The following CTNND2 variants were observed in gnomAD, a reference collection of about 807,000 sequenced individuals.
The protein encoded by CTNND2 is catenin delta 2.
Under a neutral mutation model 144.4 loss-of-function variants are expected in CTNND2, and 22 were observed. That is an observed-to-expected ratio of 0.15 (90% CI 0.11 to 0.22). CTNND2 has a LOEUF of 0.22. Among genes scored for constraint, CTNND2 ranks in the 10% least tolerant of loss-of-function variants. The probability of loss-of-function intolerance (pLI) is 1.00; values close to 1 mark genes in which losing one functional copy is unlikely to be tolerated. For synonymous variants in CTNND2, 751 were observed against 695.6 expected (o/e 1.08, Z -1.25); for missense variants, 1,353 against 1,618.8 (o/e 0.84, Z 2.82).
intron 16 of CTNND2, among the ~76,000 whole-genome samples, chr5:11,065,799 T>C (rs1292653819): frequency 2.6e-5 from 4 of 152,196 alleles, no homozygotes; most frequent in Non-Finnish European, 2.9e-5. Context: ...CCCCAAAACA[T>C]GTTTCTTTGC....
chr5:11,580,704 A>G (rs1778361185), intron 2 of CTNND2, among the ~76,000 whole-genome samples: 1 of 152,210 alleles, frequency 6.6e-6, no homozygotes. Flanking sequence ...AATGCATACC[A>G]TTCCATGGAA....
At chr5:11,404,599 A>ATTTTT (rs1405789135) in intron 5 of CTNND2, among the ~76,000 whole-genome samples, 9 of 32,826 alleles carry the variant, frequency 2.7e-4, no homozygotes, top group Non-Finnish European at 6.7e-4. Context: ...CAGTATCTGT[A>ATTTTT]TTCTTTTTTT....
intron 1 of CTNND2, among the ~76,000 whole-genome samples, chr5:11,762,449 C>G (rs1223913923): frequency 6.6e-6 from 1 of 152,046 alleles, no homozygotes; most frequent in Admixed American, 6.6e-5. Context: ...GTACCTGGCA[C>G]AAAATAGACC....
At chr5:11,259,401 C>G (rs1252490967) in intron 9 of CTNND2, among the ~76,000 whole-genome samples, 1 of 152,172 alleles carries the variant, frequency 6.6e-6, no homozygotes, top group Non-Finnish European at 1.5e-5. Flanking sequence ...CTGCTGAGCT[C>G]CCAGTTGACA....
At chr5:11,497,390 G>C (rs115146921) in intron 3 of CTNND2, among the ~76,000 whole-genome samples, 2,527 of 151,882 alleles carry the variant, frequency 0.017, 74 homozygotes, top group African/African-American at 0.058. Flanking sequence ...GGAAGGAGTA[G>C]GGAGCTGTGA....
chr5:11,192,806 A>G (rs1432590731), intron 11 of CTNND2, among the ~76,000 whole-genome samples: 7 of 152,134 alleles, frequency 4.6e-5, no homozygotes, highest in African/African-American at 1.7e-4. Context: ...AAGAAAATCA[A>G]TCTTCCTTGT....
At chr5:11,048,301 T>C (rs1346273413) in intron 16 of CTNND2, among the ~76,000 whole-genome samples, 1 of 152,196 alleles carries the variant, frequency 6.6e-6, no homozygotes, top group East Asian at 1.9e-4. Context: ...AGGTAGTTTC[T>C]AAGACTGAAG....
intron 9 of CTNND2, among the ~76,000 whole-genome samples, chr5:11,320,235 G>A (rs1041489476): frequency 6.6e-6 from 1 of 152,184 alleles, no homozygotes; most frequent in African/African-American, 2.4e-5. Flanking sequence ...TTCTGTAAAT[G>A]TGGTTGGCAG....
chr5:11,169,765 T>A (rs559115864), intron 11 of CTNND2, among the ~76,000 whole-genome samples: 47 of 152,328 alleles, frequency 3.1e-4, no homozygotes, highest in African/African-American at 1.0e-3. Flanking sequence ...CGCTTGCTTA[T>A]CCAAGAGTCC....
At chr5:11,545,263 A>C (rs536247150) in intron 3 of CTNND2, among the ~76,000 whole-genome samples, 3 of 151,934 alleles carry the variant, frequency 2.0e-5, no homozygotes, top group African/African-American at 4.8e-5. Context: ...CGGAGGTTGA[A>C]GTGACCTGAG....
chr5:11,175,073 A>C (rs1760339374), intron 11 of CTNND2, among the ~76,000 whole-genome samples: 1 of 152,050 alleles, frequency 6.6e-6, no homozygotes, highest in South Asian at 2.1e-4. Context: ...TGATACCAAA[A>C]CTTTGGAATT....
chr5:11,679,423 G>A (rs533140416), intron 2 of CTNND2, among the ~76,000 whole-genome samples: 1 of 152,164 alleles, frequency 6.6e-6, no homozygotes, highest in Admixed American at 6.5e-5. Context: ...ATTCATTGAA[G>A]TCTCAGTTTT....
At chr5:11,769,615 C>G in intron 1 of CTNND2, among the ~76,000 whole-genome samples, 1 of 152,078 alleles carries the variant, frequency 6.6e-6, no homozygotes, top group South Asian at 2.1e-4. Flanking sequence ...ACTTAATTCA[C>G]TAGAAACTGA....
intron 3 of CTNND2, among the ~76,000 whole-genome samples, chr5:11,451,319 T>C (rs1216107393): frequency 6.6e-6 from 1 of 152,194 alleles, no homozygotes; most frequent in Non-Finnish European, 1.5e-5. Flanking sequence ...ATTACCCTAT[T>C]GTACCAGAGC....
intron 1 of CTNND2, among the ~76,000 whole-genome samples, chr5:11,845,768 A>G (rs1001407180): frequency 2.6e-5 from 4 of 152,230 alleles, no homozygotes; most frequent in African/African-American, 9.6e-5. Context: ...CAAGTCATGG[A>G]AAGTTTAAAT....
intron 10 of CTNND2, among the ~76,000 whole-genome samples, chr5:11,220,450 G>C (rs1055909235): frequency 6.6e-6 from 1 of 152,018 alleles, no homozygotes; most frequent in Admixed American, 6.6e-5. Context: ...TCCTTCATTC[G>C]GTCCATACTT....
intron 3 of CTNND2, among the ~76,000 whole-genome samples, chr5:11,477,670 C>T (rs916426213): frequency 2.0e-5 from 3 of 152,104 alleles, no homozygotes; most frequent in Admixed American, 6.6e-5. Context: ...CTGACTCGGC[C>T]TCCAAAGGCT....
At chr5:11,275,186 G>A (rs1485770677) in intron 9 of CTNND2, among the ~76,000 whole-genome samples, 1 of 152,090 alleles carries the variant, frequency 6.6e-6, no homozygotes, top group African/African-American at 2.4e-5. Flanking sequence ...AATGCTATGG[G>A]GTAGCGGCTA....
intron 11 of CTNND2, among the ~76,000 whole-genome samples, chr5:11,160,760 T>C (rs541613953): frequency 2.8e-4 from 43 of 152,348 alleles, no homozygotes; most frequent in Non-Finnish European, 4.3e-4. Flanking sequence ...TAATGAGCTT[T>C]CGATATATTT....
Sources: allele counts gnomAD v4.1 joint callset (sites outside exome capture counted in the v4.1 genomes callset), GRCh38; gene constraint gnomAD v4.1.1; transcripts MANE v1.5; gene names NCBI Gene and HGNC (gene_info 2026-07-23, HGNC 2026-07-21).